The following PFKFB3 variants were observed in gnomAD, a reference collection of about 807,000 sequenced individuals.
PFKFB3 encodes the protein 6-phosphofructo-2-kinase/fructose-2,6-biphosphatase 3.
PFKFB3 carries 33 observed loss-of-function variants against 68.0 expected under a neutral mutation model. The observed-to-expected ratio is 0.49, with a 90% CI of 0.37 to 0.65. The LOEUF (loss-of-function observed/expected upper bound fraction) is 0.65, where lower values mean the gene tolerates loss of function less well. PFKFB3 is among the 30% of genes least tolerant of loss of function. PFKFB3 has a pLI of 0.00. For synonymous variants in PFKFB3, 315 were observed against 288.2 expected (o/e 1.09, Z -0.94); for missense variants, 586 against 712.2 (o/e 0.82, Z 2.02).
At chr10:6,240,235 C>A (rs1846110069), downstream of PFKFB3, among the ~76,000 whole-genome samples, 1 of 121,360 alleles carries the variant, frequency 8.2e-6, no homozygotes, top group Non-Finnish European at 1.8e-5. Flanking sequence ...TTTTGGAAAA[C>A]TTTTTATTTT....
At chr10:6,267,618 G>T in the PFKFB3 span, among the ~76,000 whole-genome samples, 1 of 152,106 alleles carries the variant, frequency 6.6e-6, no homozygotes, top group East Asian at 1.9e-4. Flanking sequence ...TGAATTCCCA[G>T]CCATCAAGGC....
intron 1 of PFKFB3, among the ~76,000 whole-genome samples, chr10:6,151,131 A>C (rs574032675): frequency 6.6e-6 from 1 of 152,242 alleles, no homozygotes; most frequent in Admixed American, 6.5e-5. Flanking sequence ...AGGGAGCCCC[A>C]GTCTGTGGAA....
At chr10:6,279,800 C>A in the PFKFB3 span, among the ~76,000 whole-genome samples, 1 of 152,180 alleles carries the variant, frequency 6.6e-6, no homozygotes, top group Non-Finnish European at 1.5e-5. Flanking sequence ...AGGCTGGAGT[C>A]ATTGATCTTG....
chr10:6,192,854 T>G (rs374506222), intron 1 of PFKFB3, among the ~76,000 whole-genome samples: 145 of 152,252 alleles, frequency 9.5e-4, no homozygotes, highest in African/African-American at 2.9e-3. Context: ...TTGGTTGACC[T>G]AATACTTTAT....
At chr10:6,254,505 G>A (rs1564238071) in exon 15 of PFKFB3, 1 of 397,164 alleles carries the variant, frequency 2.5e-6, no homozygotes, top group South Asian at 1.4e-4. Flanking sequence ...TGGATGATGG[G>A]TAGTTTATGA....
chr10:6,165,511 G>A (rs553465484), intron 1 of PFKFB3, among the ~76,000 whole-genome samples: 20 of 152,320 alleles, frequency 1.3e-4, no homozygotes, highest in South Asian at 1.2e-3. Context: ...GCACAAAACA[G>A]ATTTTCCCAG....
At chr10:6,309,335 G>C in the PFKFB3 span, among the ~76,000 whole-genome samples, 1 of 152,140 alleles carries the variant, frequency 6.6e-6, no homozygotes, top group African/African-American at 2.4e-5. Context: ...AGGCCGAAGT[G>C]TGTGGCATGT....
Position 6,210,404 on chromosome 10 carries a change from A to C in PFKFB3, c.77-3219A>C, listed in dbSNP as rs1844115756. On this transcript the variant is annotated intron_variant, in intron 1 of 14. Transcript: ENST00000379775. ...GAGACGAAGTTTCGCTCTGTCACCC[A>C]GGCTGGAGTGCAGTGGCGCTATCTC... is the stretch of plus-strand genomic sequence containing the variant. Among the ~76,000 whole-genome samples, 2 of 81,744 alleles carry C rather than the reference A, an allele frequency of 2.4e-5. 1 individual carries two copies. Among genetic ancestry groups the C allele is most frequent in the South Asian group, 1.1e-3 (2 of 1,898 alleles). 53.6% of individuals were successfully genotyped at this position (81,744 alleles called of 152,430 possible).
chr10:6,315,910 A>G, the PFKFB3 span, among the ~76,000 whole-genome samples: 101,828 of 152,088 alleles, frequency 0.67, 34,685 homozygotes, highest in Middle Eastern at 0.8. Context: ...TGTTGATGAC[A>G]GTATATTTGA....
rs368490604 is a variant in PFKFB3 at position 6,226,255 on chromosome 10, G to A, written c.1405G>A (p.Glu469Lys). ...TAGTGTCACCCCGCTAGCCAGCCCCGAACCCACCAAAAAGCCTCGCATCAA... is the reference window on the plus strand; with the variant it reads ...TAGTGTCACCCCGCTAGCCAGCCCCAAACCCACCAAAAAGCCTCGCATCAA... Reference protein sequence around the residue: ...RNSVTPLASPEPTKKPRINSF... With the variant: ...RNSVTPLASPKPTKKPRINSF... The change falls in exon 14 of 15, where the codon GAA becomes AAA. Residue 469 changes from glutamate (E) to lysine (K), a missense_variant. Physicochemically the swap from Glu to Lys is moderately conservative, Grantham distance 56. Transcript: ENST00000379775. 5.9e-5 allele frequency: 95 copies of A among 1,613,988 alleles called. No homozygotes were observed. In the Admixed American group the frequency reaches 6.2e-4, roughly 10 times the overall value.
At chr10:6,230,059 T>A (rs745544220) in intron 14 of PFKFB3, among the ~76,000 whole-genome samples, 6 of 152,080 alleles carry the variant, frequency 3.9e-5, no homozygotes, top group Non-Finnish European at 7.4e-5. Context: ...AGGAAAGAAA[T>A]CTTTCTACTG....
chr10:6,203,387 G>T, intron 1 of PFKFB3, 51 bp downstream of exon 1: 1 of 1,472,926 alleles, frequency 6.8e-7, no homozygotes. Flanking sequence ...CGCCGGGCCG[G>T]GCCATTGTGT....
the PFKFB3 span, among the ~76,000 whole-genome samples, chr10:6,292,278 C>CTTTTTTTT: frequency 4.6e-4 from 25 of 54,302 alleles, no homozygotes; most frequent in East Asian, 4.2e-3. Flanking sequence ...TTTTTTTTTT[C>CTTTTTTTT]TTTTTTTTTT....
the PFKFB3 span, among the ~76,000 whole-genome samples, chr10:6,280,902 GC>G: frequency 1.1e-4 from 16 of 151,536 alleles, no homozygotes; most frequent in Middle Eastern, 3.4e-3. Flanking sequence ...TGCACCCATC[GC>G]CCGAGCAGTA....
chr10:6,184,955 A>G (rs1191705324), intron 1 of PFKFB3, among the ~76,000 whole-genome samples: 1 of 151,892 alleles, frequency 6.6e-6, no homozygotes, highest in African/African-American at 2.4e-5. Context: ...ACTGATCTCC[A>G]CCATGGTCAG....
chr10:6,298,627 A>C, the PFKFB3 span, among the ~76,000 whole-genome samples: 301 of 152,158 alleles, frequency 2.0e-3, 1 homozygote, highest in African/African-American at 6.8e-3. Context: ...CGGCCTCCCA[A>C]AATGTTGGGA....
At position 6,229,093 on chromosome 10, in the gene PFKFB3, T is replaced by C; in HGVS notation, c.1515+2728T>C. On this transcript the variant is annotated intron_variant, in intron 14 of 14. Coordinates refer to ENST00000379775, the MANE Select transcript of PFKFB3 (RefSeq NM_004566.4). This position sits in a 1 kb window ranked among gnomAD's most constrained non-coding sequence, Gnocchi z 4.3. ...TTCCTGTTTGCTCCTTAAGTTACCT[T>C]AACTACTTTATGCAGAAACTGGAAA... 1.9e-6 allele frequency: 1 copy of C among 529,846 alleles called. No individual in the cohort carries two copies. Among genetic ancestry groups the C allele is most frequent in the Non-Finnish European group, 3.9e-6 (1 of 258,486 alleles). 32.8% of individuals were successfully genotyped at this position (529,846 alleles called of 1,614,324 possible).
rs916022430 is a variant in PFKFB3 at position 6,210,261 on chromosome 10, A to G, written c.77-3362A>G. ...AAAGATTTAGTAAGGATTTGTGATT[A>G]CCCCATCTGTCCAAGACAGTGGTGG... On this transcript the variant is annotated intron_variant, in intron 1 of 14. Coordinates refer to ENST00000379775, the MANE Select transcript of PFKFB3 (RefSeq NM_004566.4). Among the ~76,000 whole-genome samples, 2 of 117,974 alleles carry G rather than the reference A, an allele frequency of 1.7e-5. 1 individual carries two copies. The highest frequency in any genetic ancestry group is 4.1e-5 in the Non-Finnish European group (2 of 48,874). The allele number at this position is 117,974 out of a possible 152,430, so 77.4% of individuals were successfully genotyped here. A position where few individuals can be genotyped will look rare whatever the true frequency, so the allele number is the denominator to read the frequency against.
downstream of PFKFB3, among the ~76,000 whole-genome samples, chr10:6,238,642 G>A (rs912587784): frequency 6.6e-6 from 1 of 151,800 alleles, no homozygotes; most frequent in African/African-American, 2.4e-5. Context: ...CATGGGGGTT[G>A]GTTGTACAGA....
Sources: gnomAD v4.1 joint callset for allele counts (sites outside exome capture counted in the v4.1 genomes callset) on GRCh38, gnomAD v4.1.1 for gene constraint, Gnocchi (gnomAD v3.1) non-coding constraint, MANE v1.5 for transcripts, NCBI Gene and HGNC (gene_info 2026-07-23, HGNC 2026-07-21) for gene names.